SMTNL2: variants seen among roughly 807,000 people sequenced by gnomAD.
The protein encoded by SMTNL2 is smoothelin-like protein 2.
A neutral mutation model predicts 44.1 loss-of-function variants in SMTNL2; 43 were observed. That is an observed-to-expected ratio of 0.98 (90% CI 0.76 to 1.26). SMTNL2 has a LOEUF of 1.26. Ranked by LOEUF, SMTNL2 falls within the 50% of genes most tolerant of loss-of-function variation. The pLI is 0.00. For synonymous variants in SMTNL2, 317 were observed against 287.6 expected (o/e 1.10, Z -1.03); for missense variants, 646 against 670.2 (o/e 0.96, Z 0.40).
In SMTNL2 at chr17:4,584,692, C is replaced by G; in HGVS notation, c.87C>G (p.Arg29=). 7.8e-7 allele frequency: 1 copy of G among 1,286,614 alleles called. No individual in the cohort carries two copies. Among genetic ancestry groups the G allele is most frequent in the African/African-American group, 1.6e-5 (1 of 64,362 alleles). 79.7% of individuals were successfully genotyped at this position (1,286,614 alleles called of 1,614,324 possible). The stretch of plus-strand genomic sequence containing the variant: ...AGGCGGCGCTGGAGGGTGCGGTGCG[C>G]GCGCTGCACGAGGACATGCGGGGGC... ...RYEAALEGAV[R]ALHEDMRGLQ... Residue 29 remains arginine (R), a synonymous_variant, in exon 1 of 8, where the codon CGC becomes CGG. Coordinates refer to ENST00000389313, the MANE Select transcript of SMTNL2 (RefSeq NM_001114974.2).
At position 4,607,582 on chromosome 17, in the gene SMTNL2, G is replaced by C. The variant is rs897588053; in HGVS notation, c.*95G>C. On this transcript the variant is annotated 3_prime_UTR_variant, in exon 8 of 8. Coordinates refer to ENST00000389313, the MANE Select transcript of SMTNL2 (RefSeq NM_001114974.2). This position sits in a 1 kb window ranked among gnomAD's most constrained non-coding sequence, Gnocchi z 4.7. The stretch of plus-strand genomic sequence containing the variant: ...CCAGGATGCCCCCAGGAGCCTTGCC[G>C]TTTGGTGTGAGCGCGCTGTTTGTTC... The C allele has an allele frequency of 6.5e-7, 1 of 1,542,992 alleles. No homozygotes were observed. Among genetic ancestry groups the C allele is most frequent in the Non-Finnish European group, 8.8e-7 (1 of 1,142,340 alleles).
chr17:4,584,460 C>CA, upstream of SMTNL2: 2 of 921,492 alleles, frequency 2.2e-6, no homozygotes, highest in Non-Finnish European at 1.4e-6. Context: ...TCCCCGGCTC[C>CA]GCCCCCGAGG....
intron 1 of SMTNL2, among the ~76,000 whole-genome samples, chr17:4,591,443 C>T (rs1597410272): frequency 1.3e-5 from 2 of 152,214 alleles, no homozygotes; most frequent in South Asian, 2.1e-4. Flanking sequence ...CCTGGCCACA[C>T]GTGCCAGCTG....
chr17:4,584,589 G>A lies in SMTNL2; in HGVS notation c.-17G>A. 8.2e-7 allele frequency: 1 copy of A among 1,224,604 alleles called. No homozygotes were observed. 75.9% of individuals were successfully genotyped at this position (1,224,604 alleles called of 1,614,324 possible). On this transcript the variant is annotated 5_prime_UTR_variant, in exon 1 of 8. Transcript: ENST00000389313. ...CCCCCGTCTGGCCCGCTCTCGACCC[G>A]CGCGCTCTGCTGGGCCATGGAGCCG...
chr17:4,586,354 CTG>C (rs1962302957), intron 1 of SMTNL2, among the ~76,000 whole-genome samples: 1 of 152,218 alleles, frequency 6.6e-6, no homozygotes, highest in South Asian at 2.1e-4. Context: ...AAAATCACCA[CTG>C]TGAGCTCACA....
At position 4,584,800 on chromosome 17, in the gene SMTNL2, G is replaced by A; in HGVS notation, c.195G>A (p.Arg65=). The A allele has an allele frequency of 7.5e-7, 1 of 1,324,862 alleles. No individual in the cohort carries two copies. Among genetic ancestry groups the A allele is most frequent in the Non-Finnish European group, 9.6e-7 (1 of 1,039,900 alleles). The allele number at this position is 1,324,862 out of a possible 1,614,324, so 82.1% of individuals were successfully genotyped here. A position where few individuals can be genotyped will look rare whatever the true frequency, so the allele number is the denominator to read the frequency against. Residue 65 remains arginine (R), a synonymous_variant, in exon 1 of 8, where the codon CGG becomes CGA. Transcript: ENST00000389313. ...PLARTVADLQ[R]DNQRLQAQLE... is the part of the protein sequence containing the mutation. Reference sequence around the variant, plus strand: ...CGCGCACGGTGGCCGACCTGCAGCGGGACAACCAGCGGCTGCAGGCGCAGC... The same window carrying A: ...CGCGCACGGTGGCCGACCTGCAGCGAGACAACCAGCGGCTGCAGGCGCAGC...
At chr17:4,588,538 C>G (rs542450109) in intron 1 of SMTNL2, among the ~76,000 whole-genome samples, 1 of 152,202 alleles carries the variant, frequency 6.6e-6, no homozygotes, top group Non-Finnish European at 1.5e-5. Flanking sequence ...TTCCGCATGA[C>G]GGCGACAGGC....
chr17:4,607,559 A>AGACCTCAAGTCTTG lies in SMTNL2; in HGVS notation c.*73_*74insACCTCAAGTCTTGG. 1 of 1,581,486 alleles carries AGACCTCAAGTCTTG rather than the reference A, an allele frequency of 6.3e-7. No individual in the cohort carries two copies. The highest frequency in any genetic ancestry group is 8.6e-7 in the Non-Finnish European group (1 of 1,159,946). ...GGGGTCCGCTTGCGATTCCCCAGCC[A>AGACCTCAAGTCTTG]GGATGCCCCCAGGAGCCTTGCCGTT... On this transcript the variant is annotated 3_prime_UTR_variant, in exon 8 of 8. Transcript: ENST00000389313. This position sits in a 1 kb window ranked among gnomAD's most constrained non-coding sequence, Gnocchi z 4.7.
chr17:4,605,009 A>G (rs567567918), intron 7 of SMTNL2, among the ~76,000 whole-genome samples: 4 of 152,048 alleles, frequency 2.6e-5, no homozygotes, highest in Admixed American at 2.6e-4. Context: ...GGCACAGAAC[A>G]GTGAAGCAAT....
chr17:4,593,327 C>T lies in SMTNL2; in HGVS notation c.730+156C>T, dbSNP rs186266223. ...GCCATGTCAGCCCCTTCCCTTAGCC[C>T]ATCCTCCCGGGCTACTGCCCAGAGA... On this transcript the variant is annotated intron_variant, in intron 3 of 7. Coordinates refer to ENST00000389313, the MANE Select transcript of SMTNL2 (RefSeq NM_001114974.2). Among the ~76,000 whole-genome samples the T allele has an allele frequency of 2.0e-5, 3 of 152,384 alleles. No homozygotes were observed. The East Asian group carries it at 5.8e-4, about 29-fold the overall frequency.
chr17:4,595,281 C>G lies in SMTNL2; in HGVS notation c.943C>G (p.Arg315Gly), dbSNP rs374978483. Residue 315 changes from arginine (R) to glycine (G), a missense_variant, in exon 5 of 8, where the codon CGG (arginine) becomes GGG (glycine). Physicochemically the swap from Arg to Gly is moderately radical, Grantham distance 125. Transcript: ENST00000389313. The surrounding 1 kb of genome is among the most constrained non-coding windows in gnomAD (Gnocchi z 5.1). Reference protein sequence around the residue: ...TLPRTSEAQARKALFEKWEQE... With the variant: ...TLPRTSEAQAGKALFEKWEQE... ...GCCCCGCACCTCGGAGGCGCAGGCC[C>G]GGAAAGCATTGTTTGAGAAGTGGGA... 1.2e-6 allele frequency: 2 copies of G among 1,613,076 alleles called. No homozygotes were observed. Among genetic ancestry groups the G allele is most frequent in the African/African-American group, 1.3e-5 (1 of 74,926 alleles).
At chr17:4,587,173 A>G (rs7210765) in intron 1 of SMTNL2, among the ~76,000 whole-genome samples, 77,749 of 152,076 alleles carry the variant, frequency 0.51, 22,644 homozygotes, top group Non-Finnish European at 0.64. Context: ...TGGGGAGTGA[A>G]GATGGAGACC....
chr17:4,596,790 CT>C, intron 5 of SMTNL2, 69 bp from the exon 6 acceptor site: 1 of 1,331,794 alleles, frequency 7.5e-7, no homozygotes, highest in Non-Finnish European at 9.8e-7. Context: ...ACAGCCTCCC[CT>C]GCCCCAGACC....
In SMTNL2 at chr17:4,586,904, G is replaced by A. The variant is rs563154869; in HGVS notation, c.399+1900G>A. ...TGAGATGCTGGGTTCCACCCGGGTC[G>A]TGCTGAACATGAGGGGACTATGGGA... is the stretch of plus-strand genomic sequence containing the variant. On this transcript the variant is annotated intron_variant, in intron 1 of 7. Coordinates refer to ENST00000389313, the MANE Select transcript of SMTNL2 (RefSeq NM_001114974.2). Among the ~76,000 whole-genome samples the A allele has an allele frequency of 3.3e-5, 5 of 152,154 alleles. No homozygotes were observed. In the South Asian group the frequency reaches 6.2e-4, roughly 19 times the overall value.
In SMTNL2 at chr17:4,607,708, G is replaced by T. The variant is rs769379525; in HGVS notation, c.*221G>T. Reference sequence around the variant, plus strand: ...AGCACTGATCACAGCCAAGGGCTTGGAGGAAAAGGAAAAATTATGAGAGAG... The same window carrying T: ...AGCACTGATCACAGCCAAGGGCTTGTAGGAAAAGGAAAAATTATGAGAGAG... On this transcript the variant is annotated 3_prime_UTR_variant, in exon 8 of 8. Coordinates refer to ENST00000389313, the MANE Select transcript of SMTNL2 (RefSeq NM_001114974.2). The surrounding 1 kb of genome is among the most constrained non-coding windows in gnomAD (Gnocchi z 4.7). The T allele has an allele frequency of 8.1e-5, 46 of 566,262 alleles. No individual in the cohort carries two copies. Among genetic ancestry groups the T allele is most frequent in the Non-Finnish European group, 1.2e-4 (43 of 351,390 alleles). The allele number at this position is 566,262 out of a possible 1,614,324, so 35.1% of individuals were successfully genotyped here. A position where few individuals can be genotyped will look rare whatever the true frequency, so the allele number is the denominator to read the frequency against.
upstream of SMTNL2, chr17:4,584,454 C>A: frequency 1.2e-6 from 1 of 862,688 alleles, no homozygotes; most frequent in South Asian, 5.9e-5. Context: ...GAGTCGTCCC[C>A]GGCTCCGCCC....
At position 4,600,487 on chromosome 17, in the gene SMTNL2, C is replaced by A. The variant is rs1026293096; in HGVS notation, c.1259+3164C>A. Among the ~76,000 whole-genome samples, 1 of 152,142 alleles carries A rather than the reference C, an allele frequency of 6.6e-6. No individual in the cohort carries two copies. Among genetic ancestry groups the A allele is most frequent in the Non-Finnish European group, 1.5e-5 (1 of 68,022 alleles). On this transcript the variant is annotated intron_variant, in intron 7 of 7. Coordinates refer to ENST00000389313, the MANE Select transcript of SMTNL2 (RefSeq NM_001114974.2). The surrounding 1 kb of genome is among the most constrained non-coding windows in gnomAD (Gnocchi z 4.7). ...TTGCGTGAGGAATGAAGCATTTCCC[C>A]GAGCAAGTGCCTTAAAGGCACAAGG... is the stretch of plus-strand genomic sequence containing the variant.
At chr17:4,588,590 C>T (rs957169435) in intron 1 of SMTNL2, among the ~76,000 whole-genome samples, 7 of 152,226 alleles carry the variant, frequency 4.6e-5, no homozygotes, top group African/African-American at 7.2e-5. Flanking sequence ...GGGGACTCTG[C>T]GGGGACAGCT....
At position 4,596,758 on chromosome 17, in the gene SMTNL2, C is replaced by T; in HGVS notation, c.990-102C>T. The T allele has an allele frequency of 3.7e-6, 4 of 1,067,506 alleles. No homozygotes were observed. In the South Asian group the frequency reaches 5.5e-5, roughly 15 times the overall value. The allele number at this position is 1,067,506 out of a possible 1,614,324, so 66.1% of individuals were successfully genotyped here. A position where few individuals can be genotyped will look rare whatever the true frequency, so the allele number is the denominator to read the frequency against. Reference sequence around the variant, plus strand: ...CCTGGGTGAGCAGAGCAGGTGGGAGCACCCTCCTTGGTGGTGCCAGGACAG... The same window carrying T: ...CCTGGGTGAGCAGAGCAGGTGGGAGTACCCTCCTTGGTGGTGCCAGGACAG... On this transcript the variant is annotated intron_variant, in intron 5 of 7. Coordinates refer to ENST00000389313, the MANE Select transcript of SMTNL2 (RefSeq NM_001114974.2).
Sources: allele counts gnomAD v4.1 joint callset (sites outside exome capture counted in the v4.1 genomes callset), GRCh38; gene constraint gnomAD v4.1.1; non-coding constraint Gnocchi (gnomAD v3.1); transcripts MANE v1.5; gene names NCBI Gene and HGNC (gene_info 2026-07-23, HGNC 2026-07-21).